Variants in H2BC18 observed in about 807,000 individuals in gnomAD.
The protein encoded by H2BC18 is histone H2B type 2-F.
H2BC18 carries 8 observed loss-of-function variants against 6.3 expected under a neutral mutation model. That is an observed-to-expected ratio of 1.28 (90% CI 0.75 to 2.31). The LOEUF is 2.31. Ranked by LOEUF, H2BC18 falls within the 30% of genes most tolerant of loss-of-function variation. The pLI is 0.00. For synonymous variants in H2BC18, 104 were observed against 78.1 expected, an observed-to-expected ratio of 1.33 and a Z score of -1.75; for missense variants, 106 against 174.5, an observed-to-expected ratio of 0.61 and a Z score of 2.21.
chr1:149,789,665 G>A (rs1310013334), intron 1 of H2BC18, among the ~76,000 whole-genome samples: 1 of 152,114 alleles, frequency 6.6e-6, no homozygotes, highest in Non-Finnish European at 1.5e-5. Flanking sequence ...TCCAATCAGT[G>A]GCAACATTAG....
chr1:149,793,245 G>A, intron 1 of H2BC18: 1 of 1,256,106 alleles, frequency 8.0e-7, no homozygotes. Flanking sequence ...GGAGGCGGCG[G>A]CGGCAGGGAG....
At chr1:149,801,460 T>C (rs1378370315) in intron 1 of H2BC18, among the ~76,000 whole-genome samples, 1 of 143,948 alleles carries the variant, frequency 6.9e-6, no homozygotes, top group African/African-American at 2.6e-5. Context: ...CTAGTATTTA[T>C]TGAATTGTTT....
chr1:149,804,492 A>G (rs868913012), intron 1 of H2BC18, among the ~76,000 whole-genome samples: 2 of 152,266 alleles, frequency 1.3e-5, no homozygotes, highest in South Asian at 2.1e-4. Flanking sequence ...TTAATGCAAG[A>G]TGCTTAGGGA....
chr1:149,806,156 T>C (rs2091914949), intron 1 of H2BC18, among the ~76,000 whole-genome samples: 1 of 151,716 alleles, frequency 6.6e-6, no homozygotes, highest in Non-Finnish European at 1.5e-5. Context: ...GCTGGTAAAT[T>C]AGCCTTTAAT....
intron 1 of H2BC18, among the ~76,000 whole-genome samples, chr1:149,803,441 C>T (rs1334038262): frequency 2.0e-5 from 3 of 152,212 alleles, no homozygotes; most frequent in Non-Finnish European, 2.9e-5. Flanking sequence ...CCTGACCTCA[C>T]GTCACTAATC....
chr1:149,800,999 G>A (rs2091863205), intron 1 of H2BC18, among the ~76,000 whole-genome samples: 2 of 152,148 alleles, frequency 1.3e-5, no homozygotes, highest in African/African-American at 2.4e-5. Context: ...GGTGGGAGGA[G>A]AGCTTGAGCC....
chr1:149,807,686 C>G (rs1380293692), downstream of H2BC18, among the ~76,000 whole-genome samples: 1 of 151,916 alleles, frequency 6.6e-6, no homozygotes, highest in African/African-American at 2.4e-5. Context: ...CATCTGTAAT[C>G]CCAGCTACTC....
At chr1:149,785,189 T>C (rs1553750671) in intron 1 of H2BC18, among the ~76,000 whole-genome samples, 1 of 152,170 alleles carries the variant, frequency 6.6e-6, no homozygotes, top group African/African-American at 2.4e-5. Flanking sequence ...TCAGAAGTGA[T>C]GAGTTTAAAC....
intron 1 of H2BC18, chr1:149,805,204 G>A (rs2091906988): frequency 6.6e-6 from 1 of 151,944 alleles, no homozygotes; most frequent in South Asian, 2.1e-4. Context: ...TGAAAATGGT[G>A]ACAGCAATCA....
chr1:149,790,327 T>C, intron 1 of H2BC18: 1 of 1,587,834 alleles, frequency 6.3e-7, no homozygotes. Flanking sequence ...GAGTTGGAGC[T>C]TCAAGTGCTT....
Position 149,800,026 on chromosome 1 carries a change from TTCCAAG to T in H2BC18, c.377+11915_377+11920del, listed in dbSNP as rs1204471250. ...AGACTGCCCCCACTTCAAATGCCAG[TTCCAAG>T]TCTGGGCCTCCAGAACTTCTGACCA... On this transcript the variant is annotated intron_variant, in intron 1 of 1. Transcript: ENST00000545683. 2.6e-5 allele frequency among the ~76,000 whole-genome samples: 4 copies of T among 151,950 alleles called. No homozygotes were observed. The East Asian group carries it at 7.7e-4, about 29-fold the overall frequency.
chr1:149,793,124 C>G (rs1489415460), intron 1 of H2BC18: 4 of 1,274,056 alleles, frequency 3.1e-6, no homozygotes, highest in Non-Finnish European at 4.1e-6. Flanking sequence ...GCCTCAGGTG[C>G]GCCCGGCCGA....
At chr1:149,786,467 G>A (rs1196882738) in intron 1 of H2BC18, 14 of 152,144 alleles carry the variant, frequency 9.2e-5, no homozygotes, top group Non-Finnish European at 5.9e-5. Context: ...AACATTTTTG[G>A]TTGGTGCCGT....
chr1:149,785,408 G>C (rs1509896), intron 1 of H2BC18, among the ~76,000 whole-genome samples: 5,278 of 66,670 alleles, frequency 0.079, 431 homozygotes, highest in African/African-American at 0.17. Context: ...GAGCTGTTTC[G>C]TTTTTTTTTT....
At chr1:149,790,240 C>T (rs1301953072) in intron 1 of H2BC18, 10 of 1,609,860 alleles carry the variant, frequency 6.2e-6, no homozygotes, top group Admixed American at 3.4e-5. Context: ...CAAATACTAA[C>T]TGCTAGAAGA....
chr1:149,788,424 G>C, intron 1 of H2BC18: 2 of 1,613,768 alleles, frequency 1.2e-6, no homozygotes, highest in South Asian at 1.1e-5. Context: ...CTCTGGCCTT[G>C]AGGTGTCATG....
chr1:149,785,399 A>G (rs1473535750), intron 1 of H2BC18, among the ~76,000 whole-genome samples: 3 of 116,764 alleles, frequency 2.6e-5, no homozygotes, highest in African/African-American at 6.5e-5. Context: ...AAGCTGACAG[A>G]GCTGTTTCGT....
chr1:149,790,278 G>T lies in H2BC18; in HGVS notation c.378-7018C>A, dbSNP rs1553751582. The T allele has an allele frequency of 4.4e-6, 7 of 1,589,142 alleles. No homozygotes were observed. In the Admixed American group the frequency reaches 1.3e-4, roughly 28 times the overall value. On this transcript the variant is annotated intron_variant, in intron 1 of 1. Coordinates refer to the H2BC18 transcript ENST00000545683. ...AGACTCTGGGTTATACTGGTGCGAG[G>T]CTGCCACAGAGGATGGAAATGTCCT...
chr1:149,804,369 C>T (rs2091899339), intron 1 of H2BC18, among the ~76,000 whole-genome samples: 1 of 152,184 alleles, frequency 6.6e-6, no homozygotes, highest in Admixed American at 6.5e-5. Flanking sequence ...TTATTATTTT[C>T]CTAATGGGCC....
Sources: gnomAD v4.1 joint callset for allele counts (sites outside exome capture counted in the v4.1 genomes callset) on GRCh38, gnomAD v4.1.1 for gene constraint, MANE v1.5 for transcripts, NCBI Gene and HGNC (gene_info 2026-07-23, HGNC 2026-07-21) for gene names.